Variants in MED15 observed in about 807,000 individuals in gnomAD.
The protein encoded by MED15 is mediator complex subunit 15.
Under a neutral mutation model 118.7 loss-of-function variants are expected in MED15, and 41 were observed. That is an observed-to-expected ratio of 0.35 (90% CI 0.27 to 0.45). The LOEUF (loss-of-function observed/expected upper bound fraction) is 0.45, where lower values mean the gene tolerates loss of function less well. Ranked by LOEUF, MED15 falls within the 20% of genes least tolerant of loss-of-function variation. MED15 has a pLI of 1.00. For missense variants in MED15, 740 were observed against 1,025.5 expected, an observed-to-expected ratio of 0.72 and a Z score of 3.80; for synonymous variants, 436 against 413.9, an observed-to-expected ratio of 1.05 and a Z score of -0.65.
At chr22:20,516,246 G>A (rs1265324634) in intron 1 of MED15, among the ~76,000 whole-genome samples, 1 of 151,928 alleles carries the variant, frequency 6.6e-6, no homozygotes, top group Non-Finnish European at 1.5e-5. Flanking sequence ...CTGGGAGGCG[G>A]AGGTTGCAGT....
chr22:20,566,841 G>C (rs1355428779), intron 7 of MED15, 24 bp downstream of exon 7: 2 of 1,608,106 alleles, frequency 1.2e-6, no homozygotes, highest in Non-Finnish European at 8.5e-7. Flanking sequence ...GCCCACAGTG[G>C]AGCACATGCA....
At chr22:20,531,327 A>C (rs2054854598) in intron 1 of MED15, among the ~76,000 whole-genome samples, 1 of 152,374 alleles carries the variant, frequency 6.6e-6, no homozygotes, top group Non-Finnish European at 1.5e-5. Context: ...AGCCCTGCAG[A>C]CCAGGCCAAC....
chr22:20,567,628 C>T (rs2056490188), intron 7 of MED15, among the ~76,000 whole-genome samples: 2 of 152,192 alleles, frequency 1.3e-5, no homozygotes, highest in Admixed American at 1.3e-4. Flanking sequence ...GACTGAAACC[C>T]TTGTGTGCTG....
Position 20,566,579 on chromosome 22 carries a change from C to T in MED15, c.803C>T (p.Pro268Leu), listed in dbSNP as rs773122680. The T allele has an allele frequency of 6.2e-7, 1 of 1,613,548 alleles. No homozygotes were observed. The highest frequency in any genetic ancestry group is 8.5e-7 in the Non-Finnish European group (1 of 1,179,802). The change falls in exon 7 of 18, where the codon CCA (proline) becomes CTA (leucine). Residue 268 changes from proline (P) to leucine (L), a missense_variant. By Grantham distance (98) the Pro-to-Leu change is moderately conservative (BLOSUM62 -3). Coordinates refer to ENST00000263205, the MANE Select transcript of MED15 (RefSeq NM_001003891.3). ...QQQQQALQAQ[P>L]PIQQPPMQQP... The stretch of plus-strand genomic sequence containing the variant: ...CAGCAGCAGGCTTTGCAGGCCCAGC[C>T]ACCAATTCAGCAGCCACCGATGCAG...
chr22:20,557,096 T>C (rs563118664), intron 5 of MED15, among the ~76,000 whole-genome samples: 14 of 152,312 alleles, frequency 9.2e-5, no homozygotes, highest in African/African-American at 2.4e-4. Flanking sequence ...AGTGCTTCAA[T>C]ATATTTTTGT....
intron 12 of MED15, 31 bp from the exon 13 acceptor site, chr22:20,583,299 G>T: frequency 6.2e-7 from 1 of 1,613,564 alleles, no homozygotes; most frequent in Non-Finnish European, 8.5e-7. Context: ...CACCAGGCTT[G>T]TGTCTTAGTG....
intron 9 of MED15, among the ~76,000 whole-genome samples, chr22:20,580,071 G>A (rs966008316): frequency 1.3e-5 from 2 of 152,080 alleles, no homozygotes; most frequent in Non-Finnish European, 2.9e-5. Context: ...TGTGCTCTTG[G>A]AAATGAAAGG....
chr22:20,578,489 G>T (rs1229788630), intron 9 of MED15, among the ~76,000 whole-genome samples: 1 of 152,192 alleles, frequency 6.6e-6, no homozygotes, highest in African/African-American at 2.4e-5. Context: ...CCTTGGGGAC[G>T]TGAGGCATGC....
Position 20,564,696 on chromosome 22 carries a change from G to C in MED15, c.690+8G>C, listed in dbSNP as rs1373590800. ...CATCAAAATCAGCAACAGGTACCAG[G>C]TCCCCTGTTCCTGCTCTTGGCCTCC... On this transcript the variant is annotated splice_region_variant and intron_variant, in intron 6 of 17. Coordinates refer to ENST00000263205, the MANE Select transcript of MED15 (RefSeq NM_001003891.3). 5 of 1,614,068 alleles carry C rather than the reference G, an allele frequency of 3.1e-6. No individual in the cohort carries two copies. The highest frequency in any genetic ancestry group is 1.7e-5 in the Admixed American group (1 of 60,008).
intron 1 of MED15, chr22:20,507,954 T>A (rs1265845030): frequency 6.9e-7 from 1 of 1,439,366 alleles, no homozygotes; most frequent in African/African-American, 1.4e-5. Context: ...GGCCGAGCTC[T>A]GCAAACCAAC....
At chr22:20,544,134 G>A (rs989048186) in intron 2 of MED15, among the ~76,000 whole-genome samples, 5 of 151,964 alleles carry the variant, frequency 3.3e-5, no homozygotes, top group African/African-American at 7.3e-5. Flanking sequence ...TATCAAGTTC[G>A]TCATTTCCTT....
rs1358569237 is a variant in MED15 at position 20,535,981 on chromosome 22, A to G, written c.69-1136A>G. ...CAACCTCCACCTCCCGGTTCAAGCG[A>G]TTCTCCTGCCTCAGCCTCCTTTGTA... On this transcript the variant is annotated intron_variant, in intron 1 of 17. Transcript: ENST00000263205. Among the ~76,000 whole-genome samples the G allele has an allele frequency of 6.7e-5, 10 of 148,854 alleles. No homozygotes were observed. In the East Asian group the frequency reaches 2.0e-3, roughly 30 times the overall value.
chr22:20,566,999 A>G (rs954221698), intron 7 of MED15, among the ~76,000 whole-genome samples, 182 bp downstream of exon 7: 13 of 152,108 alleles, frequency 8.5e-5, no homozygotes, highest in African/African-American at 3.1e-4. Flanking sequence ...TGTGTTTTGC[A>G]TTTTGTGTTC....
chr22:20,544,300 C>T (rs1269893599), intron 2 of MED15, among the ~76,000 whole-genome samples: 1 of 152,210 alleles, frequency 6.6e-6, no homozygotes, highest in African/African-American at 2.4e-5. Flanking sequence ...AGGCACCCTA[C>T]TCCTGGTAAC....
intron 9 of MED15, among the ~76,000 whole-genome samples, chr22:20,580,338 C>G (rs73386149): frequency 1.0e-3 from 159 of 152,318 alleles, no homozygotes; most frequent in African/African-American, 3.8e-3. Flanking sequence ...GTGGCCTTCT[C>G]TGCTTGGCAG....
At chr22:20,584,152 A>G (rs1479698721) in intron 13 of MED15, 2 of 600,844 alleles carry the variant, frequency 3.3e-6, no homozygotes, top group Non-Finnish European at 5.9e-6. Context: ...CTCTTGACCC[A>G]TCACCTCACT....
intron 17 of MED15, among the ~76,000 whole-genome samples, 178 bp downstream of exon 17, chr22:20,586,004 C>T (rs734740): frequency 0.06 from 9,072 of 152,248 alleles, 621 homozygotes; most frequent in East Asian, 0.37. Context: ...TTCCAGTGGT[C>T]GCCTGAGAGA....
intron 1 of MED15, chr22:20,518,971 G>A (rs1342648182): frequency 1.4e-5 from 6 of 420,926 alleles, no homozygotes; most frequent in Non-Finnish European, 2.9e-5. Context: ...TCCCACGTCA[G>A]CCTCCCAAGT....
In MED15 at chr22:20,582,731, C is replaced by A. The variant is rs770617276; in HGVS notation, c.1393C>A (p.Pro465Thr). 3.8e-6 allele frequency: 6 copies of A among 1,591,820 alleles called. No homozygotes were observed. Among genetic ancestry groups the A allele is most frequent in the Non-Finnish European group, 5.1e-6 (6 of 1,174,426 alleles). Residue 465 changes from proline (P) to threonine (T), a missense_variant, in exon 10 of 18, where the codon CCC (proline) becomes ACC (threonine). Pro to Thr is a conservative substitution (Grantham distance 38). This residue lies in a region of MED15 where 384 missense variants were observed against 506.3 expected (regional missense o/e 0.76). Coordinates refer to ENST00000263205, the MANE Select transcript of MED15 (RefSeq NM_001003891.3). ...SPQPGQPSSQPNSNVSSGPAP... is the reference protein window; with the variant it reads ...SPQPGQPSSQTNSNVSSGPAP... Reference sequence around the variant, plus strand: ...GCAGCCCGGCCAGCCCAGCTCACAGCCCAACTCCAACGTCAGGTAGGCCTG... The same window carrying A: ...GCAGCCCGGCCAGCCCAGCTCACAGACCAACTCCAACGTCAGGTAGGCCTG...
Sources: gnomAD v4.1 joint callset for allele counts (sites outside exome capture counted in the v4.1 genomes callset) on GRCh38, gnomAD v4.1.1 for gene constraint, gnomAD v4.1.1 regional missense constraint, MANE v1.5 for transcripts, NCBI Gene and HGNC (gene_info 2026-07-23, HGNC 2026-07-21) for gene names.